Variants in PTPRD observed in about 807,000 individuals in gnomAD.
PTPRD encodes the protein protein tyrosine phosphatase receptor type D, also known as receptor-type tyrosine-protein phosphatase delta.
In PTPRD, 34 loss-of-function variants were observed where a neutral mutation model predicts 214.5. That is an observed-to-expected ratio of 0.16 (90% CI 0.12 to 0.21). PTPRD has a LOEUF of 0.21. PTPRD is among the 10% of genes least tolerant of loss of function. The pLI, the probability that PTPRD is intolerant of heterozygous loss-of-function variation, is 1.00. For missense variants in PTPRD, 2,545 were observed against 2,398.7 expected, an observed-to-expected ratio of 1.06 and a Z score of -1.27; for synonymous variants, 1,128 against 845.7, an observed-to-expected ratio of 1.33 and a Z score of -5.79.
rs2096384022 is a variant in PTPRD at position 8,635,010 on chromosome 9, G to A, written c.211-1552C>T. On this transcript the variant is annotated intron_variant, in intron 13 of 45. Coordinates refer to ENST00000381196, the MANE Select transcript of PTPRD (RefSeq NM_002839.4). Reference sequence around the variant, plus strand: ...ACAGTCAACATGTACTGCTCTCAGGGACCATACAGACTAGTAATACCATAT... The same window carrying A: ...ACAGTCAACATGTACTGCTCTCAGGAACCATACAGACTAGTAATACCATAT... Among the ~76,000 whole-genome samples the A allele has an allele frequency of 2.0e-5, 3 of 149,234 alleles. No individual in the cohort carries two copies. In the East Asian group the frequency reaches 5.8e-4, roughly 29 times the overall value.
intron 43 of PTPRD, among the ~76,000 whole-genome samples, chr9:8,335,671 G>C (rs1845922057): frequency 6.6e-6 from 1 of 152,120 alleles, no homozygotes; most frequent in African/African-American, 2.4e-5. Flanking sequence ...AGAAGTAACG[G>C]GTATTCAATT....
At chr9:10,238,033 T>TTC (rs146861420) in intron 3 of PTPRD, among the ~76,000 whole-genome samples, 6,907 of 66,672 alleles carry the variant, frequency 0.1, 360 homozygotes, top group East Asian at 0.4. Context: ...CCCATTTGCT[T>TTC]TTTTTTTTAA....
chr9:8,330,053 A>G (rs1563975140), intron 44 of PTPRD, among the ~76,000 whole-genome samples: 1 of 152,108 alleles, frequency 6.6e-6, no homozygotes, highest in Non-Finnish European at 1.5e-5. Flanking sequence ...AGACTGCGGG[A>G]GAAGTGCAGT....
At chr9:9,710,714 C>T (rs1488465450) in intron 7 of PTPRD, among the ~76,000 whole-genome samples, 1 of 151,832 alleles carries the variant, frequency 6.6e-6, no homozygotes, top group Non-Finnish European at 1.5e-5. Context: ...GTATGAAGTA[C>T]TATACTAATA....
chr9:9,789,834 A>C (rs2098954919), intron 5 of PTPRD, among the ~76,000 whole-genome samples: 1 of 149,194 alleles, frequency 6.7e-6, no homozygotes, highest in Non-Finnish European at 1.5e-5. Flanking sequence ...AATTAAATCG[A>C]GTCGTAATTT....
chr9:9,093,053 C>G (rs894633869), intron 10 of PTPRD, among the ~76,000 whole-genome samples: 11 of 151,886 alleles, frequency 7.2e-5, no homozygotes, highest in Non-Finnish European at 1.5e-4. Context: ...AACGGCTATA[C>G]TAAAATAAAG....
At chr9:10,503,337 T>C (rs1202631033) in intron 2 of PTPRD, among the ~76,000 whole-genome samples, 1 of 151,870 alleles carries the variant, frequency 6.6e-6, no homozygotes, top group Non-Finnish European at 1.5e-5. Context: ...AGAAGGTTCG[T>C]TTTTAAGATT....
At chr9:8,373,854 G>T (rs199627123) in intron 39 of PTPRD, among the ~76,000 whole-genome samples, 2 of 129,158 alleles carry the variant, frequency 1.5e-5, no homozygotes, top group Non-Finnish European at 3.3e-5. Context: ...GTATGTGTAT[G>T]TGTCTGTCTG....
At chr9:8,894,706 G>T (rs569995525) in intron 11 of PTPRD, among the ~76,000 whole-genome samples, 43 of 152,260 alleles carry the variant, frequency 2.8e-4, no homozygotes, top group Admixed American at 2.6e-3. Flanking sequence ...GTGTGAAAAT[G>T]CCATTTGAAA....
At chr9:9,755,780 C>A (rs1037430867) in intron 6 of PTPRD, among the ~76,000 whole-genome samples, 1 of 151,898 alleles carries the variant, frequency 6.6e-6, no homozygotes, top group Non-Finnish European at 1.5e-5. Context: ...GGTAAAAATT[C>A]ATTTAGACTT....
chr9:9,076,889 A>G lies in PTPRD; in HGVS notation c.-142-58154T>C, dbSNP rs529029642. 4.6e-5 allele frequency among the ~76,000 whole-genome samples: 7 copies of G among 151,414 alleles called. No homozygotes were observed. In the East Asian group the frequency reaches 5.9e-4, roughly 13 times the overall value. On this transcript the variant is annotated intron_variant, in intron 10 of 45. Transcript: ENST00000381196. ...TTGAGGAAATTCCAAACTGTTCTCCATAGTGATTGTACTAATTTACATTCC... is the reference window on the plus strand; with the variant it reads ...TTGAGGAAATTCCAAACTGTTCTCCGTAGTGATTGTACTAATTTACATTCC...
chr9:10,378,207 G>A (rs1423422394), intron 2 of PTPRD, among the ~76,000 whole-genome samples: 1 of 151,832 alleles, frequency 6.6e-6, no homozygotes, highest in Non-Finnish European at 1.5e-5. Flanking sequence ...AAATGTTCTG[G>A]TTATTTATCT....
intron 11 of PTPRD, among the ~76,000 whole-genome samples, chr9:8,846,052 A>G (rs2570960): frequency 0.88 from 133,244 of 152,198 alleles, 58,370 homozygotes; most frequent in Middle Eastern, 0.93. Context: ...AATTGCTACC[A>G]CAGCCAGATG....
At chr9:8,326,506 A>C (rs1479782168) in intron 44 of PTPRD, among the ~76,000 whole-genome samples, 1 of 151,306 alleles carries the variant, frequency 6.6e-6, no homozygotes, top group African/African-American at 2.4e-5. Flanking sequence ...ATCGATGTTC[A>C]TCAGGGATAT....
chr9:10,180,074 CAG>C (rs2099273259), intron 3 of PTPRD, among the ~76,000 whole-genome samples: 1 of 151,954 alleles, frequency 6.6e-6, no homozygotes, highest in Non-Finnish European at 1.5e-5. Flanking sequence ...CTTATTAAAA[CAG>C]AATCACAGGT....
At chr9:10,432,727 C>T (rs1475241316) in intron 2 of PTPRD, among the ~76,000 whole-genome samples, 1 of 151,978 alleles carries the variant, frequency 6.6e-6, no homozygotes, top group Non-Finnish European at 1.5e-5. Flanking sequence ...TTTTATAATG[C>T]TATATGAGGT....
intron 9 of PTPRD, among the ~76,000 whole-genome samples, chr9:9,318,472 C>A (rs949433959): frequency 2.0e-5 from 3 of 151,926 alleles, no homozygotes; most frequent in African/African-American, 4.8e-5. Context: ...TTTGTTTCTT[C>A]TTCTCACCTC....
At chr9:8,781,688 C>A (rs1479340379) in intron 11 of PTPRD, among the ~76,000 whole-genome samples, 1 of 151,966 alleles carries the variant, frequency 6.6e-6, no homozygotes, top group African/African-American at 2.4e-5. Flanking sequence ...AATTCCAAGG[C>A]TCTCTGAATC....
intron 5 of PTPRD, among the ~76,000 whole-genome samples, chr9:9,793,867 A>G (rs1340848785): frequency 1.3e-5 from 2 of 152,100 alleles, no homozygotes; most frequent in South Asian, 2.1e-4. Context: ...TTTGAGGATA[A>G]AATGGGACTT....
Sources: allele counts gnomAD v4.1 joint callset (sites outside exome capture counted in the v4.1 genomes callset), GRCh38; gene constraint gnomAD v4.1.1; transcripts MANE v1.5; gene names NCBI Gene and HGNC (gene_info 2026-07-23, HGNC 2026-07-21).